Variants in ALDH7A1 observed in about 807,000 individuals in gnomAD.
ALDH7A1 encodes alpha-aminoadipic semialdehyde dehydrogenase.
In ALDH7A1, 63 loss-of-function variants were observed where a neutral mutation model predicts 79.9. The ratio of observed to expected loss-of-function variants is 0.79; its 90% CI spans 0.64 to 0.97. ALDH7A1 has a LOEUF of 0.97. Ranked by LOEUF, ALDH7A1 falls within the 50% of genes least tolerant of loss-of-function variation. ALDH7A1 has a pLI of 0.00. For synonymous variants in ALDH7A1, 240 were observed against 231.2 expected (o/e 1.04, Z -0.34); for missense variants, 627 against 665.2 (o/e 0.94, Z 0.63).
chr5:126,594,124 A>G (rs561586729), intron 1 of ALDH7A1: 185 of 451,364 alleles, frequency 4.1e-4, no homozygotes, highest in African/African-American at 3.6e-3. Flanking sequence ...ATTGTATTCT[A>G]TAAAACATTG....
intron 13 of ALDH7A1, 128 bp downstream of exon 13, chr5:126,554,159 T>C (rs1750095453): frequency 2.9e-6 from 2 of 695,636 alleles, no homozygotes; most frequent in Middle Eastern, 4.0e-4. Context: ...TAATAATATA[T>C]ATAAATAAAG....
intron 11 of ALDH7A1, among the ~76,000 whole-genome samples, chr5:126,556,441 G>A (rs1283403995): frequency 6.6e-6 from 1 of 151,842 alleles, no homozygotes; most frequent in East Asian, 1.9e-4. Context: ...ACAGGCTTTT[G>A]CCATGTTGCC....
intron 7 of ALDH7A1, among the ~76,000 whole-genome samples, chr5:126,573,471 G>A (rs1228675082): frequency 1.3e-5 from 2 of 151,488 alleles, no homozygotes; most frequent in African/African-American, 2.4e-5. Flanking sequence ...AGGCTGAGGC[G>A]GGCAGATCAC....
intron 7 of ALDH7A1, among the ~76,000 whole-genome samples, chr5:126,571,564 A>G (rs1750778389): frequency 6.6e-6 from 1 of 151,990 alleles, no homozygotes; most frequent in Non-Finnish European, 1.5e-5. Flanking sequence ...TCAAACTGTC[A>G]TTGTTTTCAA....
chr5:126,588,239 G>A (rs1421541253), intron 3 of ALDH7A1: 3 of 152,208 alleles, frequency 2.0e-5, no homozygotes, highest in Admixed American at 6.5e-5. Context: ...GGAGGCAGAG[G>A]TGGGCAGATC....
Position 126,546,340 on chromosome 5 carries a change from T to C in ALDH7A1, c.1549A>G (p.Met517Val), listed in dbSNP as rs1749785606. The C allele has an allele frequency of 1.2e-6, 2 of 1,614,082 alleles. No individual in the cohort carries two copies. The highest frequency in any genetic ancestry group is 1.7e-5 in the Admixed American group (1 of 60,012). Residue 517 changes from methionine to valine, a missense_variant, in exon 17 of 18, where the codon ATG (methionine) becomes GTG (valine). Physicochemically the swap from Met to Val is conservative, Grantham distance 21. Transcript: ENST00000409134. ...TTTTCTTACCAAGTAGACCTTCTCATGTACTGTTTCCAGGCATCACTGCCA... is the reference window on the plus strand; with the variant it reads ...TTTTCTTACCAAGTAGACCTTCTCACGTACTGTTTCCAGGCATCACTGCCA... Reference protein sequence around the residue: ...ESGSDAWKQYMRRSTCTINYS... With the variant: ...ESGSDAWKQYVRRSTCTINYS...
At chr5:126,572,039 T>G (rs1304244482) in intron 7 of ALDH7A1, among the ~76,000 whole-genome samples, 1 of 152,144 alleles carries the variant, frequency 6.6e-6, no homozygotes, top group Non-Finnish European at 1.5e-5. Flanking sequence ...TTTTGAGTCA[T>G]AAAAAAATGG....
intron 8 of ALDH7A1, 60 bp downstream of exon 8, chr5:126,570,722 G>A: frequency 6.8e-7 from 1 of 1,480,218 alleles, no homozygotes; most frequent in Non-Finnish European, 9.4e-7. Context: ...TAGTAACGAT[G>A]ATTCTAGTTG....
In ALDH7A1 at chr5:126,577,212, C is replaced by G. The variant is rs779494572; in HGVS notation, c.518-1G>C. ...TGCTCAATCAGTGCATGGCCAGATC[C>G]TGAGGACAGAAAAAGGATGGAACAT... is the stretch of plus-strand genomic sequence containing the variant. On this transcript the variant is annotated splice_acceptor_variant, in intron 5 of 17. Transcript: ENST00000409134. LOFTEE classifies it high-confidence loss of function. 4 of 1,614,078 alleles carry G rather than the reference C, an allele frequency of 2.5e-6. No individual in the cohort carries two copies. The highest frequency in any genetic ancestry group is 3.4e-6 in the Non-Finnish European group (4 of 1,180,028).
chr5:126,574,701 T>A (rs557479934), intron 7 of ALDH7A1, among the ~76,000 whole-genome samples: 257 of 150,506 alleles, frequency 1.7e-3, no homozygotes, highest in African/African-American at 5.9e-3. Context: ...TCTCAAAAAA[T>A]AATAATAATA....
intron 1 of ALDH7A1, 33 bp from the exon 2 acceptor site, chr5:126,593,437 A>C (rs780386633): frequency 5.6e-6 from 9 of 1,613,706 alleles, no homozygotes; most frequent in Non-Finnish European, 7.6e-6. Flanking sequence ...CATGTATAGA[A>C]AACGTAATCC....
At chr5:126,582,542 G>C (rs936639998) in intron 5 of ALDH7A1, among the ~76,000 whole-genome samples, 1 of 152,084 alleles carries the variant, frequency 6.6e-6, no homozygotes, top group Non-Finnish European at 1.5e-5. Context: ...TATTTACTTA[G>C]ATTCTTAAAA....
At chr5:126,550,034 T>A in intron 15 of ALDH7A1, 32 bp from the exon 16 acceptor site, 1 of 1,601,652 alleles carries the variant, frequency 6.2e-7, no homozygotes, top group Middle Eastern at 1.7e-4. Flanking sequence ...GTGAGAGCAA[T>A]GAACAGGAAA....
chr5:126,553,760 T>G (rs1750081369), intron 13 of ALDH7A1, among the ~76,000 whole-genome samples: 1 of 151,866 alleles, frequency 6.6e-6, no homozygotes, highest in African/African-American at 2.4e-5. Context: ...TGCAGTGAGC[T>G]GAGATCGTGC....
At chr5:126,588,527 C>T (rs1208186337) in intron 3 of ALDH7A1, 1 of 151,018 alleles carries the variant, frequency 6.6e-6, no homozygotes, top group Non-Finnish European at 1.5e-5. Flanking sequence ...CACATAAATT[C>T]TTTTTTTTTC....
At chr5:126,560,982 G>A in intron 10 of ALDH7A1, 101 bp downstream of exon 10, 2 of 1,334,376 alleles carry the variant, frequency 1.5e-6, no homozygotes, top group Non-Finnish European at 2.2e-6. Context: ...TCAGGCATAT[G>A]CAACATGGAC....
Position 126,550,189 on chromosome 5 carries a change from G to GT in ALDH7A1, c.1415+6dup. ...TATATAAATTTTCAAAATAGACAAAGTTGTACCCAAGCCAGCGAAAGATTC... is the reference window on the plus strand; with the variant it reads ...TATATAAATTTTCAAAATAGACAAAGTTTGTACCCAAGCCAGCGAAAGATTC... On this transcript the variant is annotated splice_region_variant and intron_variant, in intron 15 of 17. Coordinates refer to ENST00000409134, the MANE Select transcript of ALDH7A1 (RefSeq NM_001182.5). 2 of 1,611,360 alleles carry GT rather than the reference G, an allele frequency of 1.2e-6. No individual in the cohort carries two copies. Among genetic ancestry groups the GT allele is most frequent in the Non-Finnish European group, 1.7e-6 (2 of 1,178,960 alleles).
intron 5 of ALDH7A1, among the ~76,000 whole-genome samples, chr5:126,578,418 G>C (rs1486412247): frequency 1.3e-5 from 2 of 152,098 alleles, no homozygotes; most frequent in South Asian, 2.1e-4. Flanking sequence ...GCTGGGACGG[G>C]AGAATCACTT....
chr5:126,581,019 T>G (rs986916903), intron 5 of ALDH7A1, among the ~76,000 whole-genome samples: 1 of 152,098 alleles, frequency 6.6e-6, no homozygotes, highest in African/African-American at 2.4e-5. Context: ...AAATGGGGTT[T>G]CTCCATGTTG....
Sources: gnomAD v4.1 joint callset for allele counts (sites outside exome capture counted in the v4.1 genomes callset) on GRCh38, gnomAD v4.1.1 for gene constraint, MANE v1.5 for transcripts, NCBI Gene and HGNC (gene_info 2026-07-23, HGNC 2026-07-21) for gene names.